Variants in CLPX observed in about 807,000 individuals in gnomAD.
CLPX encodes the protein caseinolytic mitochondrial matrix peptidase chaperone subunit X.
Under a neutral mutation model 76.4 loss-of-function variants are expected in CLPX, and 34 were observed. The ratio of observed to expected loss-of-function variants is 0.45; its 90% CI spans 0.34 to 0.59. The LOEUF is 0.59. Among genes scored for constraint, CLPX ranks in the 20% least tolerant of loss-of-function variants. The probability of loss-of-function intolerance (pLI) is 0.01; values close to 1 mark genes in which losing one functional copy is unlikely to be tolerated. For missense variants in CLPX, 613 were observed against 757.0 expected (o/e 0.81, Z 2.23); for synonymous variants, 248 against 270.9 (o/e 0.92, Z 0.83).
chr15:65,160,725 T>C lies in CLPX; in HGVS notation c.715+1879A>G, dbSNP rs73477336. 6.5e-3 allele frequency among the ~76,000 whole-genome samples: 988 copies of C among 152,240 alleles called. 7 individuals carry two copies. The highest frequency in any genetic ancestry group is 0.022 in the African/African-American group (934 of 41,538). On this transcript the variant is annotated intron_variant, in intron 6 of 13. Coordinates refer to ENST00000300107, the MANE Select transcript of CLPX (RefSeq NM_006660.5). ...AATTACAGTGGAACCACATAATCTATGTATTTAACTTATTTAATGATTTAA... is the reference window on the plus strand; with the variant it reads ...AATTACAGTGGAACCACATAATCTACGTATTTAACTTATTTAATGATTTAA...
At position 65,169,672 on chromosome 15, in the gene CLPX, T is replaced by A. The variant is rs115380121; in HGVS notation, c.359-2887A>T. On this transcript the variant is annotated intron_variant, in intron 3 of 13. Transcript: ENST00000300107. ...CAGAGGTTGCAGTGAGCCGAGATGG[T>A]GCCCATCGTGCCCTCTTATTATAAA... Among the ~76,000 whole-genome samples, 428 of 151,980 alleles carry A rather than the reference T, an allele frequency of 2.8e-3. 1 individual carries two copies. The highest frequency in any genetic ancestry group is 9.9e-3 in the African/African-American group (408 of 41,406).
At chr15:65,159,351 T>C (rs1468290272) in intron 6 of CLPX, among the ~76,000 whole-genome samples, 1 of 152,212 alleles carries the variant, frequency 6.6e-6, no homozygotes, top group East Asian at 1.9e-4. Flanking sequence ...ATCAGCCAGA[T>C]TCCTACAAAA....
intron 3 of CLPX, among the ~76,000 whole-genome samples, chr15:65,175,587 A>T (rs2088080087): frequency 6.6e-6 from 1 of 152,218 alleles, no homozygotes; most frequent in African/African-American, 2.4e-5. Flanking sequence ...TTCAGAGTTC[A>T]AATGTTTTCA....
intron 3 of CLPX, among the ~76,000 whole-genome samples, chr15:65,177,000 C>T (rs529500652): frequency 4.3e-4 from 66 of 152,014 alleles, no homozygotes; most frequent in African/African-American, 1.6e-3. Flanking sequence ...ATAAATTGAA[C>T]AATTTTCAGC....
At chr15:65,158,290 G>A (rs2087814791) in intron 7 of CLPX, 1 of 328,220 alleles carries the variant, frequency 3.0e-6, no homozygotes, top group Non-Finnish European at 5.5e-6. Context: ...CCAAAATGCT[G>A]GGATTACAGG....
chr15:65,178,169 TTTGG>T (rs2088114508), intron 3 of CLPX, among the ~76,000 whole-genome samples: 1 of 152,178 alleles, frequency 6.6e-6, no homozygotes, highest in Admixed American at 6.6e-5. Flanking sequence ...GCTTACCTCC[TTTGG>T]TAAGTACTAA....
At position 65,149,662 on chromosome 15, in the gene CLPX, C is replaced by A; in HGVS notation, c.*1161G>T. Reference sequence around the variant, plus strand: ...AGATCACAAGGTCAGGAGTTACAGACTAGCCTGGCCAACAGGGTGAAACCC... The same window carrying A: ...AGATCACAAGGTCAGGAGTTACAGAATAGCCTGGCCAACAGGGTGAAACCC... On this transcript the variant is annotated 3_prime_UTR_variant, in exon 14 of 14. Transcript: ENST00000300107. 2.6e-6 allele frequency: 1 copy of A among 391,890 alleles called. No homozygotes were observed. Among genetic ancestry groups the A allele is most frequent in the South Asian group, 1.9e-5 (1 of 52,960 alleles). The allele number at this position is 391,890 out of a possible 1,614,324, so 24.3% of individuals were successfully genotyped here. A position where few individuals can be genotyped will look rare whatever the true frequency, so the allele number is the denominator to read the frequency against.
Position 65,152,591 on chromosome 15 carries a change from T to G in CLPX, c.1705-55A>C. On this transcript the variant is annotated intron_variant, in intron 12 of 13. Coordinates refer to ENST00000300107, the MANE Select transcript of CLPX (RefSeq NM_006660.5). ...TGAAAACAGATTACATACAAGTGCT[T>G]TTATTCTATAAATCACAAATTGGAA... 2 of 902,020 alleles carry G rather than the reference T, an allele frequency of 2.2e-6. 1 individual carries two copies. The highest frequency in any genetic ancestry group is 6.0e-4 in the Middle Eastern group (2 of 3,332). 55.9% of individuals were successfully genotyped at this position (902,020 alleles called of 1,614,324 possible).
At chr15:65,165,985 G>A (rs1305790886) in intron 4 of CLPX, among the ~76,000 whole-genome samples, 2 of 152,144 alleles carry the variant, frequency 1.3e-5, no homozygotes, top group African/African-American at 4.8e-5. Flanking sequence ...AGCCAGAACA[G>A]AAGGCACATA....
intron 3 of CLPX, 59 bp downstream of exon 3, chr15:65,178,875 C>T (rs867252183): frequency 3.2e-6 from 3 of 931,536 alleles, no homozygotes; most frequent in Middle Eastern, 2.2e-4. Context: ...TATTTTTATA[C>T]ACTTAGTAAT....
chr15:65,180,221 A>G lies in CLPX; in HGVS notation c.80-17T>C. ...CAGAAATACCTGAAAATAAAAGGAA[A>G]TCTACATCAAATATAGACATGCCTC... On this transcript the variant is annotated splice_polypyrimidine_tract_variant and intron_variant, in intron 1 of 13. Coordinates refer to ENST00000300107, the MANE Select transcript of CLPX (RefSeq NM_006660.5). 1 of 1,572,322 alleles carries G rather than the reference A, an allele frequency of 6.4e-7. No homozygotes were observed. The highest frequency in any genetic ancestry group is 8.6e-7 in the Non-Finnish European group (1 of 1,156,716).
chr15:65,164,265 C>T (rs1328747721), intron 4 of CLPX, 77 bp from the exon 5 acceptor site: 2 of 1,176,568 alleles, frequency 1.7e-6, no homozygotes, highest in Admixed American at 4.7e-5. Context: ...ATTTACTAAG[C>T]ATATTTGCTT....
rs771870446 is a variant in CLPX, at chr15:65,154,854, T to C, written c.1539A>G (p.Thr513=). 5.6e-6 allele frequency: 9 copies of C among 1,614,160 alleles called. No individual in the cohort carries two copies. The highest frequency in any genetic ancestry group is 6.8e-6 in the Non-Finnish European group (8 of 1,179,980). Residue 513 remains threonine, a synonymous_variant, in exon 11 of 14, where the codon ACA becomes ACG. Coordinates refer to ENST00000300107, the MANE Select transcript of CLPX (RefSeq NM_006660.5). ...VVPLHSLDEK[T]LVQILTEPRN... is the part of the protein sequence containing the mutation. The stretch of plus-strand genomic sequence containing the variant: ...GTGGCTCAGTTAATATTTGTACAAG[T>C]GTTTTCTCATCTAGGCTATGCAATG...
intron 3 of CLPX, among the ~76,000 whole-genome samples, chr15:65,175,745 C>T (rs2088083024): frequency 6.6e-6 from 1 of 152,154 alleles, no homozygotes; most frequent in Non-Finnish European, 1.5e-5. Context: ...TTTCAGACTA[C>T]GGATGCTCAA....
At chr15:65,179,905 C>A in intron 2 of CLPX, 139 bp downstream of exon 2, 1 of 503,366 alleles carries the variant, frequency 2.0e-6, no homozygotes. Flanking sequence ...CATCTAATTA[C>A]ATAAAATTAT....
intron 1 of CLPX, among the ~76,000 whole-genome samples, chr15:65,183,588 G>T (rs899714385): frequency 6.7e-6 from 1 of 149,160 alleles, no homozygotes. Flanking sequence ...AAGGAGAAAA[G>T]AAAAGAAAAA....
chr15:65,162,778 C>T lies in CLPX; in HGVS notation c.674-133G>A, dbSNP rs1273389881. On this transcript the variant is annotated intron_variant, in intron 5 of 13. Coordinates refer to ENST00000300107, the MANE Select transcript of CLPX (RefSeq NM_006660.5). ...AACATTTTTCAGCTTTTCATATATGCTATATCTTTTCTATATTAAAACAAA... is the reference window on the plus strand; with the variant it reads ...AACATTTTTCAGCTTTTCATATATGTTATATCTTTTCTATATTAAAACAAA... The T allele has an allele frequency of 7.1e-6, 4 of 566,282 alleles. No homozygotes were observed. The African/African-American group carries it at 7.7e-5, about 11-fold the overall frequency. The allele number at this position is 566,282 out of a possible 1,614,324, so 35.1% of individuals were successfully genotyped here.
At chr15:65,184,040 T>A (rs1366633458) in intron 1 of CLPX, among the ~76,000 whole-genome samples, 3 of 152,220 alleles carry the variant, frequency 2.0e-5, no homozygotes, top group Non-Finnish European at 2.9e-5. Flanking sequence ...CCACGTTACC[T>A]CATTCAATCC....
At chr15:65,154,753 T>A (rs2087765388) in intron 11 of CLPX, 29 bp downstream of exon 11, 2 of 1,527,962 alleles carry the variant, frequency 1.3e-6, no homozygotes, top group Non-Finnish European at 1.8e-6. Flanking sequence ...AAATAAAAAA[T>A]AACTAAGTAC....
Sources: gnomAD v4.1 joint callset for allele counts (sites outside exome capture counted in the v4.1 genomes callset) on GRCh38, gnomAD v4.1.1 for gene constraint, MANE v1.5 for transcripts, NCBI Gene and HGNC (gene_info 2026-07-23, HGNC 2026-07-21) for gene names.